CPM: variants seen among roughly 807,000 people sequenced by gnomAD.
CPM encodes carboxypeptidase M, also known as renal carboxypeptidase.
In CPM, 35 loss-of-function variants were observed where a neutral mutation model predicts 46.4. That is an observed-to-expected ratio of 0.75 (90% CI 0.58 to 1.00). CPM has a LOEUF of 1.00. Among genes scored for constraint, CPM ranks in the 50% least tolerant of loss-of-function variants. The pLI, the probability that CPM is intolerant of heterozygous loss-of-function variation, is 0.00. For missense variants in CPM, 422 were observed against 530.4 expected, an observed-to-expected ratio of 0.80 and a Z score of 2.01; for synonymous variants, 195 against 195.3, an observed-to-expected ratio of 1.00 and a Z score of 0.01.
At chr12:68,859,169 C>T (rs1885105095) in intron 7 of CPM, 98 bp from the exon 8 acceptor site, 3 of 636,626 alleles carry the variant, frequency 4.7e-6, no homozygotes, top group South Asian at 1.4e-4. Flanking sequence ...TATTTATTAG[C>T]TAACTCAATG....
At chr12:68,900,030 C>T (rs1343403443) in intron 2 of CPM, among the ~76,000 whole-genome samples, 1 of 151,788 alleles carries the variant, frequency 6.6e-6, no homozygotes, top group Non-Finnish European at 1.5e-5. Flanking sequence ...GTATTTTTTT[C>T]TATAGGACTG....
At chr12:68,867,802 C>G (rs1885520553) in intron 6 of CPM, among the ~76,000 whole-genome samples, 1 of 152,196 alleles carries the variant, frequency 6.6e-6, no homozygotes, top group Non-Finnish European at 1.5e-5. Context: ...TGCTGACTTT[C>G]CAGTTCTCTC....
At chr12:68,873,622 C>T (rs1232180974) in intron 3 of CPM, among the ~76,000 whole-genome samples, 1 of 147,658 alleles carries the variant, frequency 6.8e-6, no homozygotes, top group African/African-American at 2.5e-5. Context: ...GAGAAGAGAT[C>T]GCACCACTGC....
chr12:68,866,466 CCCAA>C (rs1420133354), intron 7 of CPM, among the ~76,000 whole-genome samples: 1 of 152,176 alleles, frequency 6.6e-6, no homozygotes, highest in African/African-American at 2.4e-5. Flanking sequence ...GCCTCAGCCT[CCCAA>C]GTAACTGGGA....
At chr12:68,864,856 T>G (rs1885365237) in intron 7 of CPM, among the ~76,000 whole-genome samples, 1 of 151,860 alleles carries the variant, frequency 6.6e-6, no homozygotes, top group South Asian at 2.1e-4. Context: ...TATATAAAAT[T>G]GTTTAAAAAA....
At chr12:68,885,737 G>A in intron 3 of CPM, 55 bp downstream of exon 3, 5 of 1,399,980 alleles carry the variant, frequency 3.6e-6, no homozygotes, top group Non-Finnish European at 5.0e-6. Flanking sequence ...GAGCTCAAGA[G>A]ACCCTAGGGG....
At chr12:68,949,605 T>C (rs904891424) in intron 1 of CPM, among the ~76,000 whole-genome samples, 1 of 152,190 alleles carries the variant, frequency 6.6e-6, no homozygotes, top group Non-Finnish European at 1.5e-5. Context: ...TTAAATGAGA[T>C]TGTTCACATA....
chr12:68,888,728 T>C (rs1035302141), intron 2 of CPM, among the ~76,000 whole-genome samples: 8 of 152,188 alleles, frequency 5.3e-5, no homozygotes, highest in Non-Finnish European at 5.9e-5. Context: ...AGCCACTCTC[T>C]CTCCACCACA....
rs114419933 is a variant in CPM, at chr12:68,897,882, C to T, written c.161-11993G>A. Among the ~76,000 whole-genome samples, 659 of 152,096 alleles carry T rather than the reference C, an allele frequency of 4.3e-3. 4 individuals carry two copies. Among genetic ancestry groups the T allele is most frequent in the African/African-American group, 0.015 (629 of 41,488 alleles). On this transcript the variant is annotated intron_variant, in intron 2 of 8. Transcript: ENST00000551568. ...TCTTGCTGCCCTATTGGTCTCACTC[C>T]GTCAGCCAGGCAGGAATGCAGTGGT...
At chr12:68,901,834 C>A (rs1887126214) in intron 2 of CPM, among the ~76,000 whole-genome samples, 1 of 151,562 alleles carries the variant, frequency 6.6e-6, no homozygotes, top group Non-Finnish European at 1.5e-5. Context: ...CTGGGTAGAA[C>A]AGAGCAAGTA....
At position 68,906,256 on chromosome 12, in the gene CPM, G is replaced by A. The variant is rs1050672846; in HGVS notation, c.161-20367C>T. Among the ~76,000 whole-genome samples the A allele has an allele frequency of 3.3e-5, 5 of 152,074 alleles. No homozygotes were observed. In the South Asian group the frequency reaches 1.0e-3, roughly 32 times the overall value. On this transcript the variant is annotated intron_variant, in intron 2 of 8. Transcript: ENST00000551568. The stretch of plus-strand genomic sequence containing the variant: ...ATGACCTGCAGCAGAATTACCTGAG[G>A]TATTTGTAAAAAACTGCAAACTCCT...
At chr12:68,892,495 T>A (rs1161828511) in intron 2 of CPM, among the ~76,000 whole-genome samples, 1 of 152,206 alleles carries the variant, frequency 6.6e-6, no homozygotes, top group Non-Finnish European at 1.5e-5. Flanking sequence ...GTAGCTGCAC[T>A]TCTGGGATCA....
rs1248908628 is a variant in CPM at position 68,853,051 on chromosome 12, C to CAGTT, written c.*3382_*3385dup. 2.6e-5 allele frequency: 4 copies of CAGTT among 152,250 alleles called. No homozygotes were observed. Among genetic ancestry groups the CAGTT allele is most frequent in the African/African-American group, 7.2e-5 (3 of 41,418 alleles). 9.4% of individuals were successfully genotyped at this position (152,250 alleles called of 1,614,324 possible). On this transcript the variant is annotated 3_prime_UTR_variant, in exon 9 of 9. Coordinates refer to ENST00000551568, the MANE Select transcript of CPM (RefSeq NM_198320.5). ...GTGGCTTGGGTACCTGGTTTGACCA[C>CAGTT]AGTTAGAATATCATGATTGTGTTTT...
rs10603077 is a variant in CPM at position 68,922,618 on chromosome 12, ATT to A, written c.160+10058_160+10059del. 1.0e-2 allele frequency among the ~76,000 whole-genome samples: 1,375 copies of A among 138,062 alleles called. 9 individuals carry two copies. The highest frequency in any genetic ancestry group is 0.023 in the Middle Eastern group (6 of 266). 90.6% of individuals were successfully genotyped at this position (138,062 alleles called of 152,430 possible). ...AGGCAATTTGTTTGAAGTTGGCAGC[ATT>A]TTTTTTTTTTTTTTTTTGATGCAGT... On this transcript the variant is annotated intron_variant, in intron 2 of 8. Coordinates refer to ENST00000551568, the MANE Select transcript of CPM (RefSeq NM_198320.5).
chr12:68,919,808 G>GA (rs1271325119), intron 2 of CPM, among the ~76,000 whole-genome samples: 1 of 152,144 alleles, frequency 6.6e-6, no homozygotes, highest in Non-Finnish European at 1.5e-5. Flanking sequence ...AAGAGCAATG[G>GA]AAAAAATTAC....
At chr12:68,920,215 G>T (rs772607227) in intron 2 of CPM, among the ~76,000 whole-genome samples, 2 of 152,206 alleles carry the variant, frequency 1.3e-5, no homozygotes, top group Non-Finnish European at 2.9e-5. Flanking sequence ...AGAACGCTTA[G>T]CCAATTAAAC....
intron 1 of CPM, among the ~76,000 whole-genome samples, chr12:68,949,573 C>T (rs1028305612): frequency 2.6e-5 from 4 of 152,258 alleles, no homozygotes. Flanking sequence ...ATAGCACCTA[C>T]CTCATAAGGA....
chr12:68,951,550 T>C, intron 1 of CPM, among the ~76,000 whole-genome samples: 1 of 152,172 alleles, frequency 6.6e-6, no homozygotes, highest in East Asian at 1.9e-4. Context: ...GAATCTTCTG[T>C]CATTTTAGGA....
At chr12:68,866,821 G>A (rs546480051) in intron 7 of CPM, 75 bp downstream of exon 7, 95 of 1,275,132 alleles carry the variant, frequency 7.5e-5, no homozygotes, top group South Asian at 3.3e-4. Flanking sequence ...AAAGGCTTGC[G>A]TTTAGTCAAC....
Sources: gnomAD v4.1 joint callset for allele counts (sites outside exome capture counted in the v4.1 genomes callset) on GRCh38, gnomAD v4.1.1 for gene constraint, MANE v1.5 for transcripts, NCBI Gene and HGNC (gene_info 2026-07-23, HGNC 2026-07-21) for gene names.